Variants in QTMAN observed in about 807,000 individuals in gnomAD.
QTMAN encodes tRNA-queuosine alpha-mannosyltransferase.
the QTMAN span, among the ~76,000 whole-genome samples, chr2:144,303,775 T>G: frequency 6.6e-6 from 1 of 152,218 alleles, no homozygotes; most frequent in South Asian, 2.1e-4. Context: ...ACAATCATTT[T>G]CAGACAGTAG....
At chr2:144,262,224 A>AG in the QTMAN span, among the ~76,000 whole-genome samples, 4 of 152,092 alleles carry the variant, frequency 2.6e-5, no homozygotes, top group Admixed American at 1.3e-4. Context: ...TACCACCATT[A>AG]CCACAGACAA....
At chr2:144,164,674 A>C in the QTMAN span, among the ~76,000 whole-genome samples, 1 of 152,174 alleles carries the variant, frequency 6.6e-6, no homozygotes, top group Non-Finnish European at 1.5e-5. Context: ...AATCTACTGA[A>C]AGAACATTCT....
chr2:143,966,370 G>T, the QTMAN span, among the ~76,000 whole-genome samples: 1 of 152,218 alleles, frequency 6.6e-6, no homozygotes, highest in Non-Finnish European at 1.5e-5. Flanking sequence ...TCATTTTTAA[G>T]GAATGTTCTA....
At chr2:144,001,495 A>G in the QTMAN span, among the ~76,000 whole-genome samples, 117 of 152,088 alleles carry the variant, frequency 7.7e-4, no homozygotes, top group African/African-American at 2.7e-3. Flanking sequence ...TAGCTCATAA[A>G]AAGTCATTCT....
the QTMAN span, among the ~76,000 whole-genome samples, chr2:144,043,371 C>T: frequency 6.6e-6 from 1 of 152,202 alleles, no homozygotes. Flanking sequence ...CACAGTGGCT[C>T]ACGCCTGTAA....
At chr2:143,995,902 TAA>T in the QTMAN span, among the ~76,000 whole-genome samples, 2 of 152,088 alleles carry the variant, frequency 1.3e-5, no homozygotes, top group African/African-American at 4.8e-5. Flanking sequence ...ATGCAAACTT[TAA>T]AAATCGAACT....
At chr2:144,048,922 T>G in the QTMAN span, among the ~76,000 whole-genome samples, 2 of 152,168 alleles carry the variant, frequency 1.3e-5, no homozygotes, top group Non-Finnish European at 2.9e-5. Flanking sequence ...GGTAGCTAAA[T>G]CTTCAGAAGA....
chr2:143,980,306 T>A, the QTMAN span, among the ~76,000 whole-genome samples: 2 of 152,170 alleles, frequency 1.3e-5, no homozygotes, highest in African/African-American at 4.8e-5. Flanking sequence ...GTTCCTGCCT[T>A]AGTTTGCTGA....
At chr2:143,986,461 C>G in the QTMAN span, among the ~76,000 whole-genome samples, 5 of 152,214 alleles carry the variant, frequency 3.3e-5, no homozygotes, top group Admixed American at 1.3e-4. Flanking sequence ...CTGCTCCCCT[C>G]TTCCACCACC....
the QTMAN span, among the ~76,000 whole-genome samples, chr2:144,054,528 A>G: frequency 6.6e-5 from 10 of 152,174 alleles, no homozygotes; most frequent in African/African-American, 2.4e-4. Context: ...TAACATGTAT[A>G]TTTTTAGATA....
chr2:144,206,836 T>C, the QTMAN span, among the ~76,000 whole-genome samples: 4 of 152,188 alleles, frequency 2.6e-5, no homozygotes, highest in African/African-American at 7.2e-5. Flanking sequence ...AAAAACTGCA[T>C]AATCAAAATG....
the QTMAN span, among the ~76,000 whole-genome samples, chr2:144,115,756 A>G: frequency 6.6e-6 from 1 of 152,162 alleles, no homozygotes; most frequent in Non-Finnish European, 1.5e-5. Context: ...TGTTATACAC[A>G]GGTCATAACT....
the QTMAN span, among the ~76,000 whole-genome samples, chr2:144,060,346 C>T: frequency 2.6e-5 from 4 of 152,006 alleles, no homozygotes; most frequent in African/African-American, 7.2e-5. Flanking sequence ...CTGCAACCTC[C>T]GCCTCCCTGG....
chr2:144,132,616 G>A, the QTMAN span, among the ~76,000 whole-genome samples: 3 of 151,942 alleles, frequency 2.0e-5, no homozygotes, highest in African/African-American at 7.2e-5. Flanking sequence ...TACAACATTT[G>A]GCTGCCGTCA....
At chr2:144,056,100 A>AT in the QTMAN span, among the ~76,000 whole-genome samples, 4 of 152,148 alleles carry the variant, frequency 2.6e-5, no homozygotes, top group Non-Finnish European at 5.9e-5. Flanking sequence ...GCTATGCTAT[A>AT]TTTTACTATA....
chr2:144,103,472 G>A, the QTMAN span, among the ~76,000 whole-genome samples: 3 of 152,158 alleles, frequency 2.0e-5, no homozygotes. Context: ...AGGAAAAGGA[G>A]AATGAAATGT....
At chr2:144,032,351 C>G in the QTMAN span, among the ~76,000 whole-genome samples, 1 of 152,116 alleles carries the variant, frequency 6.6e-6, no homozygotes, top group Non-Finnish European at 1.5e-5. Flanking sequence ...TGTTAATAAC[C>G]CAGCACCAAA....
At chr2:144,028,306 T>C in the QTMAN span, among the ~76,000 whole-genome samples, 2 of 152,212 alleles carry the variant, frequency 1.3e-5, no homozygotes, top group Non-Finnish European at 2.9e-5. Flanking sequence ...AAGTTTAGTG[T>C]TGCAAAATGA....
At chr2:144,006,887 C>T in the QTMAN span, 2 of 249,338 alleles carry the variant, frequency 8.0e-6, no homozygotes, top group Non-Finnish European at 1.5e-5. Flanking sequence ...GAATCTGATT[C>T]TTATATTTTG....
Sources: gnomAD v4.1 joint callset for allele counts (sites outside exome capture counted in the v4.1 genomes callset) on GRCh38, gnomAD v4.1.1 for gene constraint, MANE v1.5 for transcripts, NCBI Gene and HGNC (gene_info 2026-07-23, HGNC 2026-07-21) for gene names.